The following ANK2 variants were observed in gnomAD, a reference collection of about 807,000 sequenced individuals.
ANK2 encodes the protein ankyrin-2.
ANK2 carries 83 observed loss-of-function variants against 360.5 expected under a neutral mutation model. That is an observed-to-expected ratio of 0.23 (90% CI 0.19 to 0.28). The LOEUF (loss-of-function observed/expected upper bound fraction) is 0.28, where lower values mean the gene tolerates loss of function less well. Among genes scored for constraint, ANK2 ranks in the 10% least tolerant of loss-of-function variants. The pLI is 1.00. For missense variants in ANK2, 4,201 were observed against 4,795.7 expected (o/e 0.88, Z 3.66); for synonymous variants, 1,740 against 1,759.5 (o/e 0.99, Z 0.28).
At chr4:112,998,070 A>G (rs556311184) in intron 2 of ANK2, among the ~76,000 whole-genome samples, 140 of 152,172 alleles carry the variant, frequency 9.2e-4, no homozygotes, top group African/African-American at 3.0e-3. Flanking sequence ...ACATTTTATT[A>G]TCAGAAGCTA....
intron 2 of ANK2, among the ~76,000 whole-genome samples, chr4:112,973,166 T>C (rs532018884): frequency 1.4e-3 from 212 of 150,160 alleles, no homozygotes; most frequent in African/African-American, 4.8e-3. Context: ...CCAAAAACTA[T>C]TGAAATAAAT....
At chr4:113,174,110 G>C (rs951819494) in intron 1 of ANK2, 1 of 335,602 alleles carries the variant, frequency 3.0e-6, no homozygotes, top group Admixed American at 4.2e-5. Context: ...AGTACTTGAG[G>C]CTAGCATCAA....
intron 10 of ANK2, among the ~76,000 whole-genome samples, chr4:113,251,300 C>A (rs769482135): frequency 2.2e-4 from 34 of 151,718 alleles, no homozygotes; most frequent in Non-Finnish European, 4.4e-4. Context: ...TTTTTAATGT[C>A]CTTCCTGTAA....
At chr4:113,173,171 G>T (rs1017341470) in intron 1 of ANK2, among the ~76,000 whole-genome samples, 2 of 152,182 alleles carry the variant, frequency 1.3e-5, no homozygotes, top group African/African-American at 4.8e-5. Flanking sequence ...TGGGTTAAAA[G>T]TGAGGTAACT....
intron 2 of ANK2, among the ~76,000 whole-genome samples, chr4:113,026,285 CTGACT>C (rs1424422490): frequency 6.6e-6 from 1 of 152,116 alleles, no homozygotes; most frequent in Non-Finnish European, 1.5e-5. Context: ...ATGAGATCTC[CTGACT>C]TCTAAATGTG....
chr4:112,931,827 A>AT (rs1273298978), intron 2 of ANK2, among the ~76,000 whole-genome samples: 8 of 152,196 alleles, frequency 5.3e-5, no homozygotes, highest in Admixed American at 5.2e-4. Context: ...GGAATTGCAC[A>AT]TTTTAAACAG....
At chr4:113,107,097 G>A in intron 1 of ANK2, 1 of 298,134 alleles carries the variant, frequency 3.4e-6, no homozygotes, top group Non-Finnish European at 6.6e-6. Flanking sequence ...CTTTGATAAT[G>A]AAGCCCATTA....
intron 1 of ANK2, among the ~76,000 whole-genome samples, chr4:113,070,502 ACT>A (rs772519200): frequency 6.6e-6 from 1 of 152,118 alleles, no homozygotes; most frequent in Non-Finnish European, 1.5e-5. Context: ...AGACATGGCA[ACT>A]CTGAGTTTGA....
chr4:112,824,394 G>T (rs60864293), intron 1 of ANK2, among the ~76,000 whole-genome samples: 60 of 152,082 alleles, frequency 3.9e-4, no homozygotes, highest in African/African-American at 1.3e-3. Flanking sequence ...TGGAGACAGT[G>T]TGTTGTTCTG....
chr4:113,240,149 G>A (rs181383045), intron 7 of ANK2, among the ~76,000 whole-genome samples: 205 of 152,208 alleles, frequency 1.3e-3, no homozygotes, highest in Non-Finnish European at 2.4e-3. Flanking sequence ...GCTGAAACCT[G>A]ATGTTGTTTA....
chr4:113,196,344 A>T (rs756398333), intron 2 of ANK2, 24 bp from the exon 3 acceptor site: 6 of 1,595,000 alleles, frequency 3.8e-6, no homozygotes, highest in Non-Finnish European at 3.4e-6. Context: ...CACTTCTTAA[A>T]GCCTTGTTTG....
intron 4 of ANK2, among the ~76,000 whole-genome samples, chr4:113,200,945 G>C (rs1210720143): frequency 1.3e-5 from 2 of 152,208 alleles, no homozygotes; most frequent in East Asian, 3.9e-4. Context: ...TAGATGACGG[G>C]TTGATGGGTG....
chr4:113,249,431 T>C (rs1368114364), intron 9 of ANK2, among the ~76,000 whole-genome samples: 1 of 152,230 alleles, frequency 6.6e-6, no homozygotes, highest in Non-Finnish European at 1.5e-5. Flanking sequence ...TGCCACATAC[T>C]GTGCTTTCCC....
the ANK2 span, among the ~76,000 whole-genome samples, chr4:112,761,104 G>A: frequency 3.9e-3 from 595 of 151,880 alleles, 7 homozygotes; most frequent in African/African-American, 0.014. Context: ...ACCGCACCCG[G>A]CCATGCGTTC....
At chr4:113,105,475 T>C (rs571180723) in intron 1 of ANK2, among the ~76,000 whole-genome samples, 1 of 152,212 alleles carries the variant, frequency 6.6e-6, no homozygotes, top group East Asian at 1.9e-4. Context: ...ATTGCTACGA[T>C]AGAAAGATGG....
the ANK2 span, among the ~76,000 whole-genome samples, chr4:112,779,565 T>C: frequency 6.6e-6 from 1 of 152,066 alleles, no homozygotes; most frequent in African/African-American, 2.4e-5. Flanking sequence ...GACAAAGAAG[T>C]ACATAGATTT....
At chr4:113,244,851 C>T (rs995645909) in intron 9 of ANK2, among the ~76,000 whole-genome samples, 4 of 152,086 alleles carry the variant, frequency 2.6e-5, no homozygotes, top group African/African-American at 9.7e-5. Flanking sequence ...CACCTATGAT[C>T]GAGACCATGT....
chr4:112,762,612 C>G, the ANK2 span, among the ~76,000 whole-genome samples: 1 of 152,176 alleles, frequency 6.6e-6, no homozygotes, highest in Admixed American at 6.5e-5. Context: ...CGGGTTCAAG[C>G]GATTCTCGTG....
intron 1 of ANK2, among the ~76,000 whole-genome samples, chr4:113,083,662 T>C (rs1425128634): frequency 6.6e-6 from 1 of 152,246 alleles, no homozygotes; most frequent in Non-Finnish European, 1.5e-5. Flanking sequence ...CATGTGGGCA[T>C]TGAAGTTCAA....
Sources: gnomAD v4.1 joint callset for allele counts (sites outside exome capture counted in the v4.1 genomes callset) on GRCh38, gnomAD v4.1.1 for gene constraint, MANE v1.5 for transcripts, NCBI Gene and HGNC (gene_info 2026-07-23, HGNC 2026-07-21) for gene names.